RNASEH2B: variants seen among roughly 807,000 people sequenced by gnomAD.
RNASEH2B encodes the protein Aicardi-Goutieres syndrome 2 protein.
In RNASEH2B, 36 loss-of-function variants were observed where a neutral mutation model predicts 45.0. The observed-to-expected ratio is 0.80, with a 90% CI of 0.61 to 1.06. The LOEUF (loss-of-function observed/expected upper bound fraction) is 1.06. RNASEH2B is among the 50% of genes least tolerant of loss of function. The pLI is 0.00. For synonymous variants in RNASEH2B, 119 were observed against 125.7 expected, an observed-to-expected ratio of 0.95 and a Z score of 0.35; for missense variants, 361 against 360.3, an observed-to-expected ratio of 1.00 and a Z score of -0.02.
intron 9 of RNASEH2B, chr13:50,951,529 G>A (rs1255977583): frequency 2.0e-5 from 3 of 152,146 alleles, no homozygotes; most frequent in Non-Finnish European, 2.9e-5. Flanking sequence ...AGCAAGCAGA[G>A]TTGAATGCAA....
intron 9 of RNASEH2B, chr13:50,950,380 A>G (rs1951961198): frequency 5.3e-5 from 8 of 152,198 alleles, no homozygotes; most frequent in Admixed American, 5.2e-4. Flanking sequence ...GTGGCTCCAA[A>G]GACATTGTCC....
chr13:50,914,162 G>T (rs1297967939), intron 1 of RNASEH2B, among the ~76,000 whole-genome samples: 1 of 151,808 alleles, frequency 6.6e-6, no homozygotes, highest in Non-Finnish European at 1.5e-5. Flanking sequence ...TATGGCAAAG[G>T]AAGAACTACT....
intron 9 of RNASEH2B, 75 bp from the exon 10 acceptor site, chr13:50,953,830 G>A: frequency 2.0e-6 from 2 of 1,004,822 alleles, no homozygotes; most frequent in Non-Finnish European, 3.1e-6. Context: ...AATTATACAT[G>A]TTGGGTTTTT....
chr13:50,952,179 A>G (rs560521388), intron 9 of RNASEH2B: 73 of 152,306 alleles, frequency 4.8e-4, no homozygotes, highest in African/African-American at 1.7e-3. Context: ...CTAAAGAAAA[A>G]AAGGGAATAA....
rs1022884711 is a variant in RNASEH2B, at chr13:50,909,823, C to T, written c.-254C>T. ...GAGCCGCGAGGGAGAGGCCGCGGCCCCTTCCCGTTGCCTGCGGCCACCGGC... is the reference window on the plus strand; with the variant it reads ...GAGCCGCGAGGGAGAGGCCGCGGCCTCTTCCCGTTGCCTGCGGCCACCGGC... On this transcript the variant is annotated 5_prime_UTR_variant, in exon 1 of 11. Transcript: ENST00000336617. The T allele has an allele frequency of 2.5e-6, 1 of 402,014 alleles. No homozygotes were observed. The highest frequency in any genetic ancestry group is 4.5e-6 in the Non-Finnish European group (1 of 224,710). The allele number at this position is 402,014 out of a possible 1,614,324, so 24.9% of individuals were successfully genotyped here.
At chr13:50,963,156 TTTTA>T (rs556918908) in intron 9 of RNASEH2B, among the ~76,000 whole-genome samples, 7 of 151,966 alleles carry the variant, frequency 4.6e-5, no homozygotes, top group Non-Finnish European at 1.0e-4. Context: ...AATATTGTAA[TTTTA>T]TTTATTTATT....
In RNASEH2B at chr13:50,924,828, T is replaced by C. The variant is rs558069740; in HGVS notation, c.65-2579T>C. On this transcript the variant is annotated intron_variant, in intron 1 of 10. Transcript: ENST00000336617. Reference sequence around the variant, plus strand: ...CTCCCAAAGTGCTGGAGTACAGGCATGCACCACCATGCCCAGCCAAGATTT... The same window carrying C: ...CTCCCAAAGTGCTGGAGTACAGGCACGCACCACCATGCCCAGCCAAGATTT... 2.0e-5 allele frequency among the ~76,000 whole-genome samples: 3 copies of C among 152,362 alleles called. No homozygotes were observed. In the East Asian group the frequency reaches 5.8e-4, roughly 29 times the overall value.
chr13:50,948,197 A>G, intron 8 of RNASEH2B, 129 bp downstream of exon 8: 2 of 1,453,232 alleles, frequency 1.4e-6, no homozygotes, highest in Non-Finnish European at 1.8e-6. Context: ...TATGTCATAT[A>G]CTTTGTGCTT....
At chr13:50,948,791 G>A (rs373270049) in intron 8 of RNASEH2B, 198 of 152,232 alleles carry the variant, frequency 1.3e-3, no homozygotes, top group African/African-American at 4.3e-3. Context: ...AATAGATACA[G>A]TTGTTGGTTT....
intron 5 of RNASEH2B, chr13:50,936,889 A>G (rs962689597): frequency 2.6e-5 from 4 of 152,140 alleles, no homozygotes; most frequent in African/African-American, 9.7e-5. Flanking sequence ...CATTTATTGC[A>G]TCATTATCTG....
In RNASEH2B at chr13:50,945,457, A is replaced by C; in HGVS notation, c.541A>C (p.Asn181His). The C allele has an allele frequency of 6.2e-7, 1 of 1,613,664 alleles. No homozygotes were observed. The highest frequency in any genetic ancestry group is 8.5e-7 in the Non-Finnish European group (1 of 1,179,578). ...TCAAACTGTGGCAGCATTAAAAACC[A>C]ATAATGTGAATGTCAGTTCCCGGGT... ...VNQTVAALKT[N>H]NVNVSSRVQS... The change falls in exon 7 of 11, where the codon AAT (asparagine) becomes CAT (histidine). Residue 181 changes from asparagine to histidine, a missense_variant. Transcript: ENST00000336617.
intron 1 of RNASEH2B, among the ~76,000 whole-genome samples, chr13:50,920,676 A>G (rs1172268270): frequency 6.6e-6 from 1 of 152,240 alleles, no homozygotes. Flanking sequence ...TACTCTTTTA[A>G]AAATAGTGTT....
chr13:50,943,917 G>A (rs1303506267), intron 6 of RNASEH2B, among the ~76,000 whole-genome samples: 1 of 152,074 alleles, frequency 6.6e-6, no homozygotes, highest in Non-Finnish European at 1.5e-5. Flanking sequence ...GATGGACTGG[G>A]GCAGTGAATT....
At chr13:50,946,980 T>G (rs1447442563) in intron 7 of RNASEH2B, among the ~76,000 whole-genome samples, 2 of 152,188 alleles carry the variant, frequency 1.3e-5, no homozygotes, top group African/African-American at 2.4e-5. Context: ...CCATTGACAA[T>G]GAAAATCTCT....
At position 50,968,194 on chromosome 13, in the gene RNASEH2B, T is replaced by G. The variant is rs559528649; in HGVS notation, c.742-1738T>G. On this transcript the variant is annotated intron_variant, in intron 9 of 9. Transcript: ENST00000422660. ...ACTTTGGGAAGCTGAGGCCAGAAGT[T>G]TAAGTCCAGCCTGGACAACATAGCA... 1.8e-3 allele frequency among the ~76,000 whole-genome samples: 269 copies of G among 152,210 alleles called. 1 individual carries two copies. The Middle Eastern group carries it at 0.02, about 12-fold the overall frequency.
At chr13:50,927,300 A>T in intron 1 of RNASEH2B, 107 bp from the exon 2 acceptor site, 2 of 727,702 alleles carry the variant, frequency 2.7e-6, no homozygotes, top group East Asian at 2.7e-5. Flanking sequence ...TTGAGTTAAA[A>T]ATCTTACAAA....
intron 4 of RNASEH2B, among the ~76,000 whole-genome samples, chr13:50,932,877 A>G (rs918256409): frequency 2.0e-5 from 3 of 152,214 alleles, no homozygotes; most frequent in African/African-American, 7.2e-5. Flanking sequence ...TAAAGTATCA[A>G]TGCATGTTTT....
intron 4 of RNASEH2B, chr13:50,934,525 G>T: frequency 3.1e-6 from 1 of 326,030 alleles, no homozygotes; most frequent in Non-Finnish European, 5.9e-6. Flanking sequence ...CTTGCTCTGT[G>T]ACCACAGCTG....
rs756627118 is a variant in RNASEH2B, at chr13:50,956,560, T to G, written c.*86T>G. On this transcript the variant is annotated 3_prime_UTR_variant, in exon 11 of 11. Coordinates refer to ENST00000336617, the MANE Select transcript of RNASEH2B (RefSeq NM_024570.4). ...CTGACTGTTAATGACTACCTTTGGT[T>G]GGGGGAAGGAAGAGGCCAATTTCAT... 2.0e-6 allele frequency: 3 copies of G among 1,537,242 alleles called. No homozygotes were observed. The highest frequency in any genetic ancestry group is 2.4e-5 in the East Asian group (1 of 40,882).
Sources: gnomAD v4.1 joint callset for allele counts (sites outside exome capture counted in the v4.1 genomes callset) on GRCh38, gnomAD v4.1.1 for gene constraint, MANE v1.5 for transcripts, NCBI Gene and HGNC (gene_info 2026-07-23, HGNC 2026-07-21) for gene names.